Variants in TACC2 observed in about 807,000 individuals in gnomAD.
The protein encoded by TACC2 is transforming acidic coiled-coil containing protein 2, also known as transforming acidic coiled-coil-containing protein 2.
A neutral mutation model predicts 227.3 loss-of-function variants in TACC2; 137 were observed. The ratio of observed to expected loss-of-function variants is 0.60; its 90% CI spans 0.52 to 0.69. The LOEUF (loss-of-function observed/expected upper bound fraction) is 0.69. TACC2 is among the 30% of genes least tolerant of loss of function. The probability of loss-of-function intolerance (pLI) is 0.00; values close to 1 mark genes in which losing one functional copy is unlikely to be tolerated. For missense variants in TACC2, 3,470 were observed against 3,694.4 expected, an observed-to-expected ratio of 0.94 and a Z score of 1.57; for synonymous variants, 1,523 against 1,487.5, an observed-to-expected ratio of 1.02 and a Z score of -0.55.
At chr10:122,041,093 G>T (rs908615555) in intron 2 of TACC2, among the ~76,000 whole-genome samples, 1 of 152,340 alleles carries the variant, frequency 6.6e-6, no homozygotes, top group African/African-American at 2.4e-5. Context: ...TATGCGAGCC[G>T]TCCCCAGGGT....
chr10:122,082,592 G>A (rs2079643935), intron 3 of TACC2, 55 bp from the exon 4 acceptor site: 33 of 1,550,292 alleles, frequency 2.1e-5, no homozygotes, highest in Non-Finnish European at 2.7e-5. Flanking sequence ...CCTGCCTGCA[G>A]TGTGGCTCTG....
intron 7 of TACC2, among the ~76,000 whole-genome samples, chr10:122,149,814 G>C (rs796616061): frequency 1.3e-5 from 2 of 152,196 alleles, no homozygotes; most frequent in African/African-American, 4.8e-5. Context: ...GACCAAACTG[G>C]GCTCTCGTGG....
intron 1 of TACC2, among the ~76,000 whole-genome samples, chr10:121,991,168 GTCT>G (rs1049783513): frequency 1.3e-5 from 2 of 152,204 alleles, no homozygotes; most frequent in African/African-American, 2.4e-5. Flanking sequence ...TGTGTGTTCT[GTCT>G]TCTTCAGTAA....
chr10:122,128,965 A>G (rs138077085), intron 5 of TACC2, among the ~76,000 whole-genome samples: 1 of 151,952 alleles, frequency 6.6e-6, no homozygotes, highest in African/African-American at 2.4e-5. Flanking sequence ...ATTGATACAC[A>G]TAAAATGTGG....
At chr10:122,204,184 A>C (rs988047693) in intron 8 of TACC2, among the ~76,000 whole-genome samples, 1 of 8,760 alleles carries the variant, frequency 1.1e-4, no homozygotes, top group Non-Finnish European at 2.2e-4. Context: ...GGAGAGGGAG[A>C]GGGGGAGGGG....
At chr10:122,046,881 G>T (rs915982642) in intron 2 of TACC2, among the ~76,000 whole-genome samples, 1 of 152,090 alleles carries the variant, frequency 6.6e-6, no homozygotes, top group African/African-American at 2.4e-5. Context: ...AGTAGGAATT[G>T]GGTTAAAATT....
chr10:122,100,251 G>C (rs1225071513), intron 5 of TACC2, among the ~76,000 whole-genome samples: 3 of 148,844 alleles, frequency 2.0e-5, no homozygotes, highest in Non-Finnish European at 1.5e-5. Flanking sequence ...GCAACAGAGC[G>C]AGACTCTGTC....
At position 122,050,633 on chromosome 10, in the gene TACC2, T is replaced by TCCAAAGCAAATGG; in HGVS notation, c.146+83_146+84insCCAAAGCAAATGG. ...GCTCCAGCATTAGCTTTGCCCCATTTGCTTTGGAAACTGGACCCTTAGACA... is the reference window on the plus strand; with the variant it reads ...GCTCCAGCATTAGCTTTGCCCCATTTCCAAAGCAAATGGGCTTTGGAAACTGGACCCTTAGACA... On this transcript the variant is annotated intron_variant, in intron 3 of 22. Coordinates refer to ENST00000369005, the MANE Select transcript of TACC2 (RefSeq NM_206862.4). The surrounding 1 kb of genome is among the most constrained non-coding windows in gnomAD (Gnocchi z 4.6). 1 of 1,164,872 alleles carries TCCAAAGCAAATGG rather than the reference T, an allele frequency of 8.6e-7. No individual in the cohort carries two copies. Among genetic ancestry groups the TCCAAAGCAAATGG allele is most frequent in the Non-Finnish European group, 1.3e-6 (1 of 795,912 alleles). The allele number at this position is 1,164,872 out of a possible 1,614,324, so 72.2% of individuals were successfully genotyped here. A position where few individuals can be genotyped will look rare whatever the true frequency, so the allele number is the denominator to read the frequency against.
At chr10:122,143,988 T>C (rs2091038746) in intron 7 of TACC2, among the ~76,000 whole-genome samples, 1 of 152,204 alleles carries the variant, frequency 6.6e-6, no homozygotes, top group Non-Finnish European at 1.5e-5. Flanking sequence ...ATGGATGATC[T>C]ATATGTGTAT....
intron 1 of TACC2, among the ~76,000 whole-genome samples, chr10:122,015,807 G>A (rs1028415759): frequency 1.3e-5 from 2 of 151,870 alleles, no homozygotes; most frequent in Admixed American, 6.6e-5. Flanking sequence ...AGCCGAGATC[G>A]CTGGTGCAGG....
At chr10:122,022,124 C>A in intron 2 of TACC2, 110 bp downstream of exon 2, 1 of 1,071,898 alleles carries the variant, frequency 9.3e-7, no homozygotes, top group Non-Finnish European at 1.4e-6. Flanking sequence ...AACAAGACAG[C>A]TTCTGCGTAG....
At chr10:122,187,325 C>G (rs998945671) in intron 7 of TACC2, among the ~76,000 whole-genome samples, 2 of 152,154 alleles carry the variant, frequency 1.3e-5, no homozygotes, top group African/African-American at 4.8e-5. Context: ...CTCGCCCTTT[C>G]TTCGGTACAC....
intron 1 of TACC2, among the ~76,000 whole-genome samples, chr10:122,012,418 CAA>C (rs752342348): frequency 0.24 from 14,600 of 60,358 alleles, 1,231 homozygotes; most frequent in Admixed American, 0.36. Context: ...GACTCCGTCT[CAA>C]AAAAAAAAAA....
At chr10:122,200,468 CCACATCTACAGTGAGAGGACGGG>C (rs1489657508) in intron 8 of TACC2, among the ~76,000 whole-genome samples, 7 of 148,964 alleles carry the variant, frequency 4.7e-5, no homozygotes, top group African/African-American at 1.5e-4. Flanking sequence ...CCCACAGTGG[CCACATCTACAGTGAGAGGACGGG>C]CACCTCACCT....
Position 121,989,994 on chromosome 10 carries a change from C to T in TACC2, c.-46+506C>T, listed in dbSNP as rs375789591. Among the ~76,000 whole-genome samples, 11 of 152,236 alleles carry T rather than the reference C, an allele frequency of 7.2e-5. No individual in the cohort carries two copies. The East Asian group carries it at 9.6e-4, about 13-fold the overall frequency. ...TTTTCTGTGTCATGTCTGCATCTCC[C>T]GTCACTTAGATAGGGACCTCACAGT... is the stretch of plus-strand genomic sequence containing the variant. On this transcript the variant is annotated intron_variant, in intron 1 of 22. Coordinates refer to ENST00000369005, the MANE Select transcript of TACC2 (RefSeq NM_206862.4).
chr10:122,238,237 C>T (rs1019366112), intron 18 of TACC2, among the ~76,000 whole-genome samples, 200 bp downstream of exon 18: 4 of 152,166 alleles, frequency 2.6e-5, no homozygotes, highest in African/African-American at 9.7e-5. Flanking sequence ...TTAAAGAATG[C>T]ATTCAAATAA....
At position 122,211,698 on chromosome 10, in the gene TACC2, C is replaced by T; in HGVS notation, c.7273C>T (p.Pro2425Ser). ...LNKPAKKKKT[P>S]LKTDTFRVKK... ...CAAGCCCGCCAAGAAGAAGAAGACG[C>T]CCCTAAAGACGTAAGTTCAGGGGTG... is the stretch of plus-strand genomic sequence containing the variant. Residue 2425 changes from proline to serine, a missense_variant, in exon 9 of 23, where the codon CCC becomes TCC. Physicochemically the swap from Pro to Ser is moderately conservative, Grantham distance 74. Transcript: ENST00000369005. 6.5e-7 allele frequency: 1 copy of T among 1,549,822 alleles called. No individual in the cohort carries two copies. Among genetic ancestry groups the T allele is most frequent in the Non-Finnish European group, 8.7e-7 (1 of 1,155,060 alleles).
intron 2 of TACC2, among the ~76,000 whole-genome samples, chr10:122,039,814 CAAATGCTATTG>C (rs150896996): frequency 0.28 from 42,941 of 152,006 alleles, 6,239 homozygotes; most frequent in East Asian, 0.42. Flanking sequence ...TTTGTCAGCA[CAAATGCTATTG>C]AAACTCTGAA....
chr10:122,246,815 A>G (rs2096131081), intron 19 of TACC2: 2 of 152,274 alleles, frequency 1.3e-5, no homozygotes, highest in African/African-American at 2.4e-5. Context: ...CAGCATAGGC[A>G]CGCACGCACA....
Sources: gnomAD v4.1 joint callset for allele counts (sites outside exome capture counted in the v4.1 genomes callset) on GRCh38, gnomAD v4.1.1 for gene constraint, Gnocchi (gnomAD v3.1) non-coding constraint, MANE v1.5 for transcripts, NCBI Gene and HGNC (gene_info 2026-07-23, HGNC 2026-07-21) for gene names.